Variants in DYSF observed in about 807,000 individuals in gnomAD.
The protein encoded by DYSF is dysferlin.
In DYSF, 212 loss-of-function variants were observed where a neutral mutation model predicts 274.9. That is an observed-to-expected ratio of 0.77 (90% confidence interval 0.69 to 0.86). DYSF has a LOEUF of 0.86. DYSF is among the 40% of genes least tolerant of loss of function. DYSF has a pLI of 0.00. For synonymous variants in DYSF, 1,091 were observed against 1,078.7 expected, an observed-to-expected ratio of 1.01 and a Z score of -0.22; for missense variants, 2,666 against 2,783.2, an observed-to-expected ratio of 0.96 and a Z score of 0.95.
intron 1 of DYSF, among the ~76,000 whole-genome samples, chr2:71,460,938 GAAAAAAA>G (rs61178408): frequency 3.2e-5 from 4 of 126,226 alleles, no homozygotes; most frequent in African/African-American, 8.5e-5. Flanking sequence ...TGATAGACAG[GAAAAAAA>G]AAAAAAAAAG....
intron 22 of DYSF, among the ~76,000 whole-genome samples, chr2:71,561,151 C>T (rs969604999): frequency 4.6e-5 from 7 of 152,144 alleles, no homozygotes; most frequent in African/African-American, 7.2e-5. Flanking sequence ...ATGTACCCCC[C>T]ACCTCCTCTC....
At chr2:71,564,277 T>A in intron 24 of DYSF, 64 bp downstream of exon 24, 1 of 1,599,380 alleles carries the variant, frequency 6.3e-7, no homozygotes. Flanking sequence ...TTCTCCCATC[T>A]CTTCTGTTTC....
At chr2:71,683,001 C>A (rs529106647) in intron 55 of DYSF, among the ~76,000 whole-genome samples, 25 of 152,198 alleles carry the variant, frequency 1.6e-4, no homozygotes, top group Middle Eastern at 3.4e-3. Context: ...TTGCGGTGGG[C>A]AGGGGGACTT....
At chr2:71,598,303 C>A (rs757939995) in intron 32 of DYSF, among the ~76,000 whole-genome samples, 1 of 152,248 alleles carries the variant, frequency 6.6e-6, no homozygotes, top group African/African-American at 2.4e-5. Context: ...GCTCAGGAAG[C>A]GGCAGAAAAG....
chr2:71,667,693 T>G (rs1163771081), intron 48 of DYSF, among the ~76,000 whole-genome samples, 178 bp downstream of exon 48: 1 of 152,058 alleles, frequency 6.6e-6, no homozygotes, highest in Non-Finnish European at 1.5e-5. Flanking sequence ...GATCTTTAGG[T>G]CCTGGCTTCC....
intron 1 of DYSF, among the ~76,000 whole-genome samples, chr2:71,470,938 C>T (rs1157386047): frequency 2.0e-5 from 3 of 151,646 alleles, no homozygotes; most frequent in African/African-American, 7.3e-5. Flanking sequence ...ATTACAGGCA[C>T]CTGCAACCAT....
At position 71,553,092 on chromosome 2, in the gene DYSF, C is replaced by T. The variant is rs746873768; in HGVS notation, c.1888C>T (p.Gln630Ter). ...TMLQDVDDAIQFEVSIGNYGN... is the reference protein window; with the variant it reads ...TMLQDVDDAI The stretch of plus-strand genomic sequence containing the variant: ...GCTGCAGGATGTGGATGATGCCATC[C>T]AGTTTGAGGTCAGCATCGGGAACTA... Residue 630 changes from glutamine (Q) to a stop codon, truncating the protein, a stop_gained, in exon 20 of 56, where the codon CAG (glutamine) becomes TAG (stop). Transcript: ENST00000410020. LOFTEE classifies it high-confidence loss of function. 26 of 1,614,076 alleles carry T rather than the reference C, an allele frequency of 1.6e-5. No individual in the cohort carries two copies. Among genetic ancestry groups the T allele is most frequent in the Non-Finnish European group, 2.0e-5 (24 of 1,180,048 alleles).
At chr2:71,590,095 A>G in intron 31 of DYSF, 116 bp from the exon 32 acceptor site, 1 of 1,018,388 alleles carries the variant, frequency 9.8e-7, no homozygotes, top group Non-Finnish European at 1.5e-6. Flanking sequence ...GGTTTCCCTC[A>G]TTCAGCCCCT....
chr2:71,545,092 C>T (rs1223987497), intron 17 of DYSF, among the ~76,000 whole-genome samples: 2 of 152,124 alleles, frequency 1.3e-5, no homozygotes, highest in African/African-American at 4.8e-5. Flanking sequence ...TCAAGGAAGG[C>T]TTCTAGGAGG....
intron 41 of DYSF, among the ~76,000 whole-genome samples, chr2:71,637,982 A>C (rs2094431825): frequency 6.6e-6 from 1 of 152,074 alleles, no homozygotes; most frequent in African/African-American, 2.4e-5. Flanking sequence ...AGCAGCTGTG[A>C]GTCTGCTGGG....
At chr2:71,665,076 A>G (rs2094970846) in intron 46 of DYSF, 86 bp from the exon 47 acceptor site, 6 of 1,596,562 alleles carry the variant, frequency 3.8e-6, no homozygotes, top group African/African-American at 1.3e-5. Context: ...AATGCTGTAC[A>G]TGGGGGTACA....
In DYSF at chr2:71,660,664, A is replaced by G; in HGVS notation, c.5003+13A>G. On this transcript the variant is annotated intron_variant, in intron 45 of 55. Transcript: ENST00000410020. ...CCGTATTTGGAAAGTAAATTGGGGC[A>G]TCTTGGGTCTTGGGGTGGAGGAGCC... 1 of 1,611,188 alleles carries G rather than the reference A, an allele frequency of 6.2e-7. No individual in the cohort carries two copies. The highest frequency in any genetic ancestry group is 1.7e-5 in the Admixed American group (1 of 60,010).
chr2:71,563,592 C>T (rs2091911771), intron 23 of DYSF, among the ~76,000 whole-genome samples: 1 of 152,146 alleles, frequency 6.6e-6, no homozygotes, highest in South Asian at 2.1e-4. Flanking sequence ...GGTGTGTGTC[C>T]TCTGGGAAGG....
At chr2:71,520,659 G>A in intron 11 of DYSF, 130 bp from the exon 12 acceptor site, 1 of 781,598 alleles carries the variant, frequency 1.3e-6, no homozygotes, top group Non-Finnish European at 2.3e-6. Flanking sequence ...TCTAGAATCT[G>A]AGTCCTGAGC....
rs984153279 is a variant in DYSF, at chr2:71,642,347, C to G, written c.4528-1618C>G. Among the ~76,000 whole-genome samples the G allele has an allele frequency of 4.6e-5, 7 of 152,336 alleles. No individual in the cohort carries two copies. In the East Asian group the frequency reaches 1.4e-3, roughly 29 times the overall value. Reference sequence around the variant, plus strand: ...GGGCATATGTGTGTTTTAGCATACACATCTCCTTTGGACGTGACTGTGTAA... The same window carrying G: ...GGGCATATGTGTGTTTTAGCATACAGATCTCCTTTGGACGTGACTGTGTAA... On this transcript the variant is annotated intron_variant, in intron 41 of 55. Transcript: ENST00000410020.
intron 12 of DYSF, among the ~76,000 whole-genome samples, chr2:71,521,144 A>G (rs747497666): frequency 2.7e-4 from 41 of 152,228 alleles, no homozygotes; most frequent in Non-Finnish European, 5.1e-4. Flanking sequence ...TTATTGTCTC[A>G]TTGCACATCC....
At chr2:71,634,850 C>G (rs1314327592) in intron 41 of DYSF, among the ~76,000 whole-genome samples, 4 of 152,160 alleles carry the variant, frequency 2.6e-5, no homozygotes, top group Non-Finnish European at 5.9e-5. Flanking sequence ...TTTCTGGGCA[C>G]ACAGGCCATA....
chr2:71,597,213 C>T (rs2093427026), intron 32 of DYSF, among the ~76,000 whole-genome samples: 2 of 152,198 alleles, frequency 1.3e-5, no homozygotes, highest in South Asian at 4.1e-4. Flanking sequence ...CCACTGAGGC[C>T]CTCTTGAGGT....
rs116098518 is a variant in DYSF at position 71,546,865 on chromosome 2, G to A, written c.1577-4176G>A. On this transcript the variant is annotated intron_variant, in intron 17 of 55. Transcript: ENST00000410020. ...GCCGAGAGGCAGAGGGAGCTGGCGG[G>A]GCAGACCGCAGGTGATGGCCTCAGC... is the stretch of plus-strand genomic sequence containing the variant. Among the ~76,000 whole-genome samples, 49 of 152,378 alleles carry A rather than the reference G, an allele frequency of 3.2e-4. 1 individual carries two copies. Among genetic ancestry groups the A allele is most frequent in the African/African-American group, 9.4e-4 (39 of 41,598 alleles).
Sources: allele counts gnomAD v4.1 joint callset (sites outside exome capture counted in the v4.1 genomes callset), GRCh38; gene constraint gnomAD v4.1.1; transcripts MANE v1.5; gene names NCBI Gene and HGNC (gene_info 2026-07-23, HGNC 2026-07-21).